The following GPR137 variants were observed in gnomAD, a reference collection of about 807,000 sequenced individuals.
The protein encoded by GPR137 is G protein-coupled receptor 137.
In GPR137, 20 loss-of-function variants were observed where a neutral mutation model predicts 38.9. The ratio of observed to expected loss-of-function variants is 0.51; its 90% CI spans 0.36 to 0.75. The LOEUF is 0.75. GPR137 is among the 30% of genes least tolerant of loss of function. GPR137 has a pLI of 0.00. For synonymous variants in GPR137, 226 were observed against 235.8 expected (o/e 0.96, Z 0.38); for missense variants, 456 against 526.4 (o/e 0.87, Z 1.31).
chr11:64,285,230 C>G (rs2033816626), upstream of GPR137: 2 of 987,376 alleles, frequency 2.0e-6, no homozygotes, highest in East Asian at 2.3e-4. Context: ...CGGGGGACAC[C>G]TCCCGCGCCA....
At chr11:64,271,487 A>C (rs1035845915), upstream of GPR137, 1 of 994,850 alleles carries the variant, frequency 1.0e-6, no homozygotes, top group Non-Finnish European at 1.3e-6. Context: ...CTAGGAAGGA[A>C]CAGGACGGCT....
At chr11:64,285,798 C>A, upstream of GPR137, 1 of 985,264 alleles carries the variant, frequency 1.0e-6, no homozygotes, top group African/African-American at 1.7e-5. Context: ...GGCCGCTGCG[C>A]AATTTGCGTA....
rs139990625 is a variant in GPR137, at chr11:64,288,155, T to A, written c.724T>A (p.Leu242Met). The A allele has an allele frequency of 2.4e-4, 380 of 1,613,128 alleles. No homozygotes were observed. The highest frequency in any genetic ancestry group is 2.9e-4 in the Non-Finnish European group (347 of 1,179,988). ...CTGCTACAACCTGACAGCACTGGCCTTGGCCCCCCAGAGCCGGCTGGACAC... is the reference window on the plus strand; with the variant it reads ...CTGCTACAACCTGACAGCACTGGCCATGGCCCCCCAGAGCCGGCTGGACAC... Reference protein sequence around the residue: ...RACYNLTALALAPQSRLDTFD... With the variant: ...RACYNLTALAMAPQSRLDTFD... The change falls in exon 4 of 7, where the codon TTG becomes ATG. Residue 242 changes from leucine to methionine, a missense_variant. Leu to Met is a conservative substitution (Grantham distance 15). Transcript: ENST00000438980. This position sits in a 1 kb window ranked among gnomAD's most constrained non-coding sequence, Gnocchi z 5.5.
rs2034051803 is a variant in GPR137 at position 64,286,363 on chromosome 11, C to G, written c.-162C>G. 9.6e-5 allele frequency: 136 copies of G among 1,416,602 alleles called. No homozygotes were observed. The South Asian group carries it at 1.9e-3, about 19-fold the overall frequency. The allele number at this position is 1,416,602 out of a possible 1,614,324, so 87.8% of individuals were successfully genotyped here. Reference sequence around the variant, plus strand: ...CTGTGTTCCCCAAGGGCAAGGGTCTCTCTGTTGAGGAGGAGGGGCCTGTCA... The same window carrying G: ...CTGTGTTCCCCAAGGGCAAGGGTCTGTCTGTTGAGGAGGAGGGGCCTGTCA... On this transcript the variant is annotated 5_prime_UTR_variant, in exon 1 of 7. Coordinates refer to ENST00000438980, the MANE Select transcript of GPR137 (RefSeq NM_001170880.2).
chr11:64,287,616 G>T, intron 2 of GPR137, 105 bp from the exon 3 acceptor site: 1 of 1,559,918 alleles, frequency 6.4e-7, no homozygotes, highest in South Asian at 1.2e-5. Context: ...GGCTCAGACT[G>T]GATGCCCTGA....
Position 64,288,660 on chromosome 11 carries a change from C to T in GPR137, c.970C>T (p.Arg324Trp), listed in dbSNP as rs1175395905. 2.5e-6 allele frequency: 4 copies of T among 1,602,830 alleles called. No homozygotes were observed. Among genetic ancestry groups the T allele is most frequent in the Non-Finnish European group, 8.5e-7 (1 of 1,173,834 alleles). Residue 324 changes from arginine (R) to tryptophan (W), a missense_variant, in exon 6 of 7, where the codon CGG becomes TGG. Transcript: ENST00000438980. This position sits in a 1 kb window ranked among gnomAD's most constrained non-coding sequence, Gnocchi z 5.5. ...TGCCTCTCGGTCCTACTTCTTTGAC[C>T]GGGCTGGGCACTGTGAAGATGAGGG... The part of the protein sequence containing the change: ...VFASRSYFFD[R>W]AGHCEDEGCS...
chr11:64,276,949 T>G, intron 2 of GPR137: 1 of 756,574 alleles, frequency 1.3e-6, no homozygotes, highest in Non-Finnish European at 2.5e-6. Context: ...AGTCAGCGGC[T>G]GGGGCGGACA....
At chr11:64,274,842 A>G (rs2032932109), upstream of GPR137, among the ~76,000 whole-genome samples, 1 of 151,598 alleles carries the variant, frequency 6.6e-6, no homozygotes, top group Non-Finnish European at 1.5e-5. Flanking sequence ...GAAACTAGCC[A>G]GGCATGGTGG....
upstream of GPR137, chr11:64,284,634 A>T (rs989225711): frequency 9.8e-6 from 15 of 1,527,900 alleles, no homozygotes; most frequent in African/African-American, 1.4e-5. Flanking sequence ...GTCTCACCCC[A>T]AGCCCGATCT....
upstream of GPR137, chr11:64,285,010 A>T: frequency 8.1e-7 from 1 of 1,239,044 alleles, no homozygotes; most frequent in South Asian, 1.9e-5. Flanking sequence ...TGAAGTGGGG[A>T]TAGTGACAGC....
upstream of GPR137, among the ~76,000 whole-genome samples, chr11:64,273,991 T>G (rs551664871): frequency 6.6e-6 from 1 of 151,668 alleles, no homozygotes; most frequent in Non-Finnish European, 1.5e-5. Context: ...GGGATAACCA[T>G]TGGAATGTCT....
At position 64,286,881 on chromosome 11, in the gene GPR137, G is replaced by C; in HGVS notation, c.357G>C (p.Gln119His). 6.2e-7 allele frequency: 1 copy of C among 1,606,350 alleles called. No homozygotes were observed. The highest frequency in any genetic ancestry group is 8.5e-7 in the Non-Finnish European group (1 of 1,174,530). Residue 119 changes from glutamine (Q) to histidine (H), a missense_variant and splice_region_variant, in exon 1 of 7, where the codon CAG becomes CAC. Physicochemically the swap from Gln to His is conservative, Grantham distance 24. Coordinates refer to ENST00000438980, the MANE Select transcript of GPR137 (RefSeq NM_001170880.2). ...CGCTTATGAACCTCTACTTTGCCCA[G>C]GTAACCAACTGTGGTCCCGGGTGGG... ...TLTLMNLYFA[Q>H]VVFKAKVKRR...
At chr11:64,284,785 AC>A (rs1565354289), upstream of GPR137, 11 of 1,528,298 alleles carry the variant, frequency 7.2e-6, no homozygotes, top group South Asian at 1.3e-4. Context: ...GGCGGGGTCA[AC>A]CCGGCCCGGC....
chr11:64,285,093 C>G, upstream of GPR137: 1 of 1,074,016 alleles, frequency 9.3e-7, no homozygotes, highest in Non-Finnish European at 1.1e-6. Context: ...ACAGCCACAA[C>G]TGAAGCTCAG....
upstream of GPR137, among the ~76,000 whole-genome samples, chr11:64,283,868 C>CAA (rs2033652029): frequency 6.6e-6 from 1 of 152,170 alleles, no homozygotes; most frequent in African/African-American, 2.4e-5. Flanking sequence ...CTTCTGGGCT[C>CAA]AAGCGATCCT....
upstream of GPR137, among the ~76,000 whole-genome samples, chr11:64,280,358 A>ATAATT (rs1555069795): frequency 7.6e-6 from 1 of 132,312 alleles, no homozygotes. Context: ...AATAATAATA[A>ATAATT]TTTTTTTTTT....
At chr11:64,287,058 G>A in intron 2 of GPR137, 44 bp downstream of exon 2, 1 of 1,599,114 alleles carries the variant, frequency 6.3e-7, no homozygotes, top group East Asian at 2.3e-5. Flanking sequence ...CAGGTCAGGG[G>A]CAGGTGACAG....
At chr11:64,282,953 G>C (rs562743920), upstream of GPR137, among the ~76,000 whole-genome samples, 168 of 151,772 alleles carry the variant, frequency 1.1e-3, 1 homozygote, top group African/African-American at 3.9e-3. Flanking sequence ...TGTATTCCCA[G>C]TTACGTGGGA....
upstream of GPR137, among the ~76,000 whole-genome samples, chr11:64,273,898 A>G (rs573793404): frequency 6.7e-6 from 1 of 149,924 alleles, no homozygotes; most frequent in East Asian, 2.0e-4. Flanking sequence ...AGGTAGGGAA[A>G]CATGCTGGGT....
Sources: allele counts gnomAD v4.1 joint callset (sites outside exome capture counted in the v4.1 genomes callset), GRCh38; gene constraint gnomAD v4.1.1; non-coding constraint Gnocchi (gnomAD v3.1); transcripts MANE v1.5; gene names NCBI Gene and HGNC (gene_info 2026-07-23, HGNC 2026-07-21).